Variants in LUC7L observed in about 807,000 individuals in gnomAD.
LUC7L encodes LUC7 like.
In LUC7L, 29 loss-of-function variants were observed where a neutral mutation model predicts 51.1. The ratio of observed to expected loss-of-function variants is 0.57; its 90% CI spans 0.42 to 0.77. The LOEUF (loss-of-function observed/expected upper bound fraction) is 0.77. LUC7L is among the 30% of genes least tolerant of loss of function. LUC7L has a pLI of 0.00. For missense variants in LUC7L, 403 were observed against 511.9 expected, an observed-to-expected ratio of 0.79 and a Z score of 2.05; for synonymous variants, 181 against 180.7, an observed-to-expected ratio of 1.00 and a Z score of -0.01.
At chr16:204,069 C>T (rs1466561887) in intron 5 of LUC7L, among the ~76,000 whole-genome samples, 5 of 151,960 alleles carry the variant, frequency 3.3e-5, no homozygotes, top group South Asian at 2.1e-4. Flanking sequence ...CACCAGCACC[C>T]GCAAGCATGA....
At chr16:225,100 G>C (rs1304948060) in intron 2 of LUC7L, among the ~76,000 whole-genome samples, 1 of 152,062 alleles carries the variant, frequency 6.6e-6, no homozygotes, top group Non-Finnish European at 1.5e-5. Flanking sequence ...TGTGTCAGGC[G>C]TTTTTTACTC....
rs765924700 is a variant in LUC7L, at chr16:204,308, AGCCATGGGCCGAGCATGGTG to A, written c.510+1676_510+1695del. On this transcript the variant is annotated intron_variant, in intron 5 of 9. Coordinates refer to ENST00000293872, the MANE Select transcript of LUC7L (RefSeq NM_201412.3). Reference sequence around the variant, plus strand: ...GAAATGAAAAAAAAAAAAAAAAATTAGCCATGGGCCGAGCATGGTGGCTCACTCCTGTAATCCCAGCAGTT... The same window carrying A: ...GAAATGAAAAAAAAAAAAAAAAATTAGCTCACTCCTGTAATCCCAGCAGTT... Among the ~76,000 whole-genome samples the A allele has an allele frequency of 2.8e-3, 418 of 151,514 alleles. 2 individuals are homozygous for A. The highest frequency in any genetic ancestry group is 1.6e-3 in the Non-Finnish European group (108 of 67,902).
At chr16:214,619 C>T (rs1282166189) in intron 3 of LUC7L, among the ~76,000 whole-genome samples, 2 of 152,154 alleles carry the variant, frequency 1.3e-5, no homozygotes, top group Non-Finnish European at 1.5e-5. Context: ...CTTGATCCTC[C>T]GGGCTCAACT....
chr16:229,434 GC>G lies in LUC7L; in HGVS notation c.-96del. The G allele has an allele frequency of 2.6e-6, 3 of 1,139,946 alleles. No homozygotes were observed. The highest frequency in any genetic ancestry group is 3.5e-6 in the Non-Finnish European group (3 of 847,062). The allele number at this position is 1,139,946 out of a possible 1,614,324, so 70.6% of individuals were successfully genotyped here. A position where few individuals can be genotyped will look rare whatever the true frequency, so the allele number is the denominator to read the frequency against. On this transcript the variant is annotated 5_prime_UTR_variant, in exon 1 of 10. Transcript: ENST00000293872. ...CAAACGATGGTCGCGTCGGCCTCGA[GC>G]CCACTCGGCTCTTTCCCGCCGCGGG...
At position 203,477 on chromosome 16, in the gene LUC7L, T is replaced by A. The variant is rs114437003; in HGVS notation, c.510+2527A>T. On this transcript the variant is annotated intron_variant, in intron 5 of 9. Transcript: ENST00000293872. The stretch of plus-strand genomic sequence containing the variant: ...ATCCCAGCACTTTGGGAAGCAGAGC[T>A]AGGCAGATCGCTTGAGCCAAGGATT... 7.2e-3 allele frequency among the ~76,000 whole-genome samples: 1,099 copies of A among 151,852 alleles called. 15 individuals carry two copies. Among genetic ancestry groups the A allele is most frequent in the African/African-American group, 0.026 (1,057 of 41,428 alleles).
At chr16:222,512 C>G (rs1170932904) in intron 2 of LUC7L, among the ~76,000 whole-genome samples, 1 of 151,958 alleles carries the variant, frequency 6.6e-6, no homozygotes, top group African/African-American at 2.4e-5. Flanking sequence ...GTGGTATGTG[C>G]CTGTAGTCCC....
intron 3 of LUC7L, among the ~76,000 whole-genome samples, chr16:219,540 C>A (rs940487884): frequency 1.3e-5 from 2 of 152,092 alleles, no homozygotes; most frequent in African/African-American, 4.8e-5. Flanking sequence ...AATCATGCTG[C>A]TGCACTCCAG....
At chr16:226,768 A>G (rs754716721) in intron 2 of LUC7L, among the ~76,000 whole-genome samples, 3 of 152,230 alleles carry the variant, frequency 2.0e-5, no homozygotes, top group Non-Finnish European at 4.4e-5. Flanking sequence ...TTAGTTGTGA[A>G]TATCTCAGTA....
At chr16:197,770 C>G (rs1363971474) in intron 6 of LUC7L, among the ~76,000 whole-genome samples, 1 of 152,124 alleles carries the variant, frequency 6.6e-6, no homozygotes, top group African/African-American at 2.4e-5. Flanking sequence ...AGGCCCTCAG[C>G]CGTGGTCACT....
At chr16:196,684 T>G (rs1368506032) in intron 6 of LUC7L, among the ~76,000 whole-genome samples, 1 of 151,644 alleles carries the variant, frequency 6.6e-6, no homozygotes, top group Non-Finnish European at 1.5e-5. Context: ...TGTACCACCA[T>G]GCCCAGCTAA....
At chr16:212,104 A>G (rs1259441658) in intron 3 of LUC7L, among the ~76,000 whole-genome samples, 1 of 152,066 alleles carries the variant, frequency 6.6e-6, no homozygotes, top group East Asian at 1.9e-4. Context: ...GATCAGCCTG[A>G]CCAACAAGGA....
intron 3 of LUC7L, among the ~76,000 whole-genome samples, chr16:218,353 C>T (rs1432645832): frequency 6.6e-6 from 1 of 152,168 alleles, no homozygotes; most frequent in East Asian, 1.9e-4. Flanking sequence ...CATCAAACCC[C>T]TCTACTAACC....
intron 5 of LUC7L, among the ~76,000 whole-genome samples, chr16:201,728 C>G (rs1195595770): frequency 6.7e-6 from 1 of 148,706 alleles, no homozygotes; most frequent in Non-Finnish European, 1.5e-5. Context: ...CGTGAGCCAC[C>G]GCACCAGGCT....
At chr16:217,312 C>T (rs193104309) in intron 3 of LUC7L, among the ~76,000 whole-genome samples, 3 of 152,196 alleles carry the variant, frequency 2.0e-5, no homozygotes, top group African/African-American at 4.8e-5. Flanking sequence ...CCACTGCACA[C>T]GGTCCAGGAA....
At chr16:219,759 C>G (rs749979634) in intron 3 of LUC7L, among the ~76,000 whole-genome samples, 20 of 152,050 alleles carry the variant, frequency 1.3e-4, no homozygotes, top group Non-Finnish European at 2.4e-4. Flanking sequence ...GTATTCCCAG[C>G]TCCTCAGGAG....
At chr16:195,317 G>A (rs1426747411) in intron 6 of LUC7L, among the ~76,000 whole-genome samples, 1 of 151,862 alleles carries the variant, frequency 6.6e-6, no homozygotes. Context: ...CTACTCAGGA[G>A]ACTCAGGATG....
chr16:215,886 T>G (rs539919083), intron 3 of LUC7L, among the ~76,000 whole-genome samples: 2 of 150,146 alleles, frequency 1.3e-5, no homozygotes, highest in South Asian at 4.1e-4. Flanking sequence ...ATTTTCTATT[T>G]TTTTTCTAGA....
Position 199,244 on chromosome 16 carries a change from G to A in LUC7L, c.511-6C>T, listed in dbSNP as rs1279485582. 5 of 1,579,990 alleles carry A rather than the reference G, an allele frequency of 3.2e-6. No individual in the cohort carries two copies. The highest frequency in any genetic ancestry group is 3.5e-5 in the Admixed American group (2 of 57,824). On this transcript the variant is annotated splice_polypyrimidine_tract_variant and splice_region_variant and intron_variant, in intron 5 of 9. Transcript: ENST00000293872. The stretch of plus-strand genomic sequence containing the variant: ...ATGGAATTTCTGTATTCTTCCTGAA[G>A]AAGGAAAATGGAGAAATAAAAGTGA...
At chr16:210,604 T>C (rs1266514896) in intron 3 of LUC7L, among the ~76,000 whole-genome samples, 4 of 152,238 alleles carry the variant, frequency 2.6e-5, no homozygotes, top group African/African-American at 7.2e-5. Context: ...GAGCAATCAA[T>C]CACCAACCTG....
Sources: gnomAD v4.1 joint callset for allele counts (sites outside exome capture counted in the v4.1 genomes callset) on GRCh38, gnomAD v4.1.1 for gene constraint, MANE v1.5 for transcripts, NCBI Gene and HGNC (gene_info 2026-07-23, HGNC 2026-07-21) for gene names.